The following STIM1 variants were observed in gnomAD, a reference collection of about 807,000 sequenced individuals.
The protein encoded by STIM1 is stromal interaction molecule 1.
STIM1 carries 25 observed loss-of-function variants against 74.7 expected under a neutral mutation model. The observed-to-expected ratio is 0.33, with a 90% CI of 0.24 to 0.47. The LOEUF (loss-of-function observed/expected upper bound fraction) is 0.47, where lower values mean the gene tolerates loss of function less well. Ranked by LOEUF, STIM1 falls within the 20% of genes least tolerant of loss-of-function variation. The pLI, the probability that STIM1 is intolerant of heterozygous loss-of-function variation, is 1.00. For synonymous variants in STIM1, 328 were observed against 348.8 expected (o/e 0.94, Z 0.66); for missense variants, 728 against 920.8 (o/e 0.79, Z 2.71).
chr11:3,991,140 G>A (rs2093606671), intron 2 of STIM1, among the ~76,000 whole-genome samples: 1 of 149,994 alleles, frequency 6.7e-6, no homozygotes, highest in African/African-American at 2.4e-5. Flanking sequence ...TATTTTCATG[G>A]TCAATATGTA....
rs914854696 is a variant in STIM1, at chr11:3,910,064, A to G, written c.139+53655A>G. Among the ~76,000 whole-genome samples the G allele has an allele frequency of 5.9e-5, 9 of 152,160 alleles. 1 individual carries two copies. The highest frequency in any genetic ancestry group is 5.9e-4 in the Admixed American group (9 of 15,260). ...AGCCATGAGTAGGAAGGGAAGCATA[A>G]TGAGAGGGAAGAATTTTAGGGCAAG... is the stretch of plus-strand genomic sequence containing the variant. On this transcript the variant is annotated intron_variant, in intron 1 of 12. Transcript: ENST00000526596.
chr11:4,000,920 C>T (rs375809904), intron 2 of STIM1, among the ~76,000 whole-genome samples: 13 of 152,134 alleles, frequency 8.5e-5, no homozygotes, highest in African/African-American at 2.7e-4. Context: ...AGCCAAGGCT[C>T]GAGAACTACG....
At chr11:3,998,338 G>A (rs1760400251) in intron 2 of STIM1, among the ~76,000 whole-genome samples, 1 of 152,198 alleles carries the variant, frequency 6.6e-6, no homozygotes, top group Admixed American at 6.5e-5. Context: ...ATCCAAGCTA[G>A]TGTAACTCTC....
chr11:3,995,505 T>C (rs971971639), intron 2 of STIM1, among the ~76,000 whole-genome samples: 1 of 152,196 alleles, frequency 6.6e-6, no homozygotes, highest in Non-Finnish European at 1.5e-5. Flanking sequence ...CACCCAGCTT[T>C]TTAGGTTCAC....
chr11:3,959,869 T>G (rs1436853112), intron 1 of STIM1, among the ~76,000 whole-genome samples: 1 of 152,102 alleles, frequency 6.6e-6, no homozygotes, highest in Non-Finnish European at 1.5e-5. Context: ...GCAAAAACAG[T>G]GGTAGGTAAA....
intron 2 of STIM1, among the ~76,000 whole-genome samples, chr11:4,005,680 ATAAC>A (rs545913251): frequency 6.6e-4 from 101 of 152,150 alleles, no homozygotes; most frequent in African/African-American, 1.9e-3. Flanking sequence ...GTATACATAT[ATAAC>A]TAACCGGCAC....
At chr11:3,944,337 G>A (rs901161194) in intron 1 of STIM1, among the ~76,000 whole-genome samples, 3 of 152,174 alleles carry the variant, frequency 2.0e-5, no homozygotes, top group Non-Finnish European at 4.4e-5. Context: ...TGAGGACATG[G>A]CTTCTCATGG....
intron 3 of STIM1, among the ~76,000 whole-genome samples, chr11:4,048,257 A>G (rs375336179): frequency 3.2e-4 from 49 of 152,338 alleles, no homozygotes; most frequent in African/African-American, 1.2e-3. Context: ...AGAATGTACA[A>G]ATTCCTTTTA....
At position 4,005,266 on chromosome 11, in the gene STIM1, A is replaced by G. The variant is rs539756211; in HGVS notation, c.271-18607A>G. Among the ~76,000 whole-genome samples, 17 of 152,322 alleles carry G rather than the reference A, an allele frequency of 1.1e-4. 1 individual carries two copies. Among genetic ancestry groups the G allele is most frequent in the Admixed American group, 7.8e-4 (12 of 15,302 alleles). ...CCAAAGGACTATAAATCATGCTGCT[A>G]TAAAGACACATGCACGCGTATGTTT... On this transcript the variant is annotated intron_variant, in intron 2 of 12. Coordinates refer to ENST00000526596, the MANE Select transcript of STIM1 (RefSeq NM_001382567.1).
chr11:3,954,700 C>T (rs145641906), intron 1 of STIM1, among the ~76,000 whole-genome samples: 1,630 of 152,154 alleles, frequency 0.011, 14 homozygotes, highest in Non-Finnish European at 0.017. Flanking sequence ...CCTTCCATAC[C>T]GAAAGAATTC....
intron 4 of STIM1, among the ~76,000 whole-genome samples, chr11:4,057,060 G>T (rs1345130244): frequency 1.3e-5 from 2 of 152,016 alleles, no homozygotes; most frequent in African/African-American, 4.8e-5. Flanking sequence ...CTCTCTGGTG[G>T]GCCCAGAGGA....
At chr11:4,048,811 G>T (rs754592754) in intron 3 of STIM1, among the ~76,000 whole-genome samples, 4 of 151,946 alleles carry the variant, frequency 2.6e-5, no homozygotes, top group African/African-American at 4.8e-5. Context: ...TCAGCTCGCT[G>T]CAACCTCCAC....
chr11:3,883,573 G>A (rs188807966), intron 1 of STIM1, among the ~76,000 whole-genome samples: 168 of 152,216 alleles, frequency 1.1e-3, no homozygotes, highest in African/African-American at 3.9e-3. Context: ...GGCTGGTCTC[G>A]AACTCCTGAC....
chr11:3,975,749 C>G (rs2093441680), intron 2 of STIM1, among the ~76,000 whole-genome samples: 1 of 152,166 alleles, frequency 6.6e-6, no homozygotes. Flanking sequence ...TGAAAAGATA[C>G]TCAATATTAT....
rs560288186 is a variant in STIM1 at position 4,090,472 on chromosome 11, A to C, written c.1635-810A>C. Among the ~76,000 whole-genome samples, 3 of 152,314 alleles carry C rather than the reference A, an allele frequency of 2.0e-5. No individual in the cohort carries two copies. The South Asian group carries it at 6.2e-4, about 32-fold the overall frequency. On this transcript the variant is annotated intron_variant, in intron 12 of 12. Transcript: ENST00000526596. Reference sequence around the variant, plus strand: ...GGTTTGAACTCTGCAATACCTATCTATGACCTCCTTTGAATCCTATGAGAT... The same window carrying C: ...GGTTTGAACTCTGCAATACCTATCTCTGACCTCCTTTGAATCCTATGAGAT...
intron 1 of STIM1, among the ~76,000 whole-genome samples, chr11:3,932,393 T>G (rs1385927366): frequency 1.3e-5 from 2 of 152,186 alleles, no homozygotes; most frequent in African/African-American, 4.8e-5. Flanking sequence ...CTGGGTGTGG[T>G]GGCTCACGCC....
chr11:3,993,042 T>A (rs1346092914), intron 2 of STIM1, among the ~76,000 whole-genome samples: 2 of 150,610 alleles, frequency 1.3e-5, no homozygotes, highest in African/African-American at 4.9e-5. Context: ...TTATTCTCAA[T>A]GTAGCAGCTA....
chr11:3,937,216 A>G (rs2092943587), intron 1 of STIM1, among the ~76,000 whole-genome samples: 1 of 151,816 alleles, frequency 6.6e-6, no homozygotes, highest in African/African-American at 2.4e-5. Flanking sequence ...ACCTGAGCCT[A>G]GGAGGCAGAA....
intron 1 of STIM1, among the ~76,000 whole-genome samples, chr11:3,923,296 C>G (rs1368157179): frequency 2.0e-5 from 3 of 151,884 alleles, no homozygotes; most frequent in Non-Finnish European, 4.4e-5. Flanking sequence ...ACCAATTGAT[C>G]CAACACCATT....
Sources: allele counts gnomAD v4.1 joint callset (sites outside exome capture counted in the v4.1 genomes callset), GRCh38; gene constraint gnomAD v4.1.1; transcripts MANE v1.5; gene names NCBI Gene and HGNC (gene_info 2026-07-23, HGNC 2026-07-21).